Variants in ACOX3 observed in about 807,000 individuals in gnomAD.
ACOX3 encodes acyl-CoA oxidase 3, pristanoyl.
ACOX3 carries 73 observed loss-of-function variants against 81.5 expected under a neutral mutation model. The observed-to-expected ratio is 0.90, with a 90% CI of 0.74 to 1.09. The LOEUF (loss-of-function observed/expected upper bound fraction) is 1.09. ACOX3 is among the 50% of genes least tolerant of loss of function. The probability of loss-of-function intolerance (pLI) is 0.00; values close to 1 mark genes in which losing one functional copy is unlikely to be tolerated. For missense variants in ACOX3, 947 were observed against 928.0 expected (o/e 1.02, Z -0.27); for synonymous variants, 387 against 375.1 (o/e 1.03, Z -0.37).
chr4:8,389,562 C>A lies in ACOX3; in HGVS notation c.1423+50G>T, dbSNP rs775505972. The stretch of plus-strand genomic sequence containing the variant: ...TCAGTGAGGCCAGGAGAACCCACCC[C>A]TGCCCCAGTTGGGTTCCAGCGCCCC... On this transcript the variant is annotated intron_variant, in intron 12 of 17. Coordinates refer to ENST00000356406, the MANE Select transcript of ACOX3 (RefSeq NM_003501.3). This position sits in a 1 kb window ranked among gnomAD's most constrained non-coding sequence, Gnocchi z 5.3. The A allele has an allele frequency of 1.1e-5, 17 of 1,610,898 alleles. No individual in the cohort carries two copies. In the Admixed American group the frequency reaches 2.7e-4, roughly 25 times the overall value.
At chr4:8,375,904 C>G (rs12510982) in intron 14 of ACOX3, among the ~76,000 whole-genome samples, 32,099 of 152,086 alleles carry the variant, frequency 0.21, 3,370 homozygotes, top group Middle Eastern at 0.27. Flanking sequence ...TTTTCTTTAT[C>G]CAGTCCACCG....
In ACOX3 at chr4:8,421,188, G is replaced by C. The variant is rs190943167; in HGVS notation, c.-14-4653C>G. Among the ~76,000 whole-genome samples the C allele has an allele frequency of 1.3e-3, 197 of 152,338 alleles. 1 individual carries two copies. The highest frequency in any genetic ancestry group is 2.3e-3 in the Non-Finnish European group (158 of 68,028). On this transcript the variant is annotated intron_variant, in intron 1 of 17. Coordinates refer to ENST00000356406, the MANE Select transcript of ACOX3 (RefSeq NM_003501.3). ...GAGTAATATTGAACCACTTTCACTT[G>C]CTATTCTGTCCTACCCTTCCTTAGA...
At chr4:8,396,058 C>A (rs910286126) in intron 9 of ACOX3, among the ~76,000 whole-genome samples, 1 of 152,226 alleles carries the variant, frequency 6.6e-6, no homozygotes, top group Non-Finnish European at 1.5e-5. Flanking sequence ...GACAGTTCAT[C>A]CCCCTTCCAT....
chr4:8,399,660 G>T lies in ACOX3; in HGVS notation c.777-8C>A. 1 of 1,612,744 alleles carries T rather than the reference G, an allele frequency of 6.2e-7. No homozygotes were observed. The highest frequency in any genetic ancestry group is 8.5e-7 in the Non-Finnish European group (1 of 1,178,764). On this transcript the variant is annotated splice_region_variant and splice_polypyrimidine_tract_variant and intron_variant, in intron 7 of 17. Transcript: ENST00000356406. This position sits in a 1 kb window ranked among gnomAD's most constrained non-coding sequence, Gnocchi z 4.9. ...TTGTGGAACATGGCGAAACTGTGGG[G>T]AAGCAGCAGGGCTTCTGTTAAACAG...
chr4:8,411,412 A>G (rs576501675), intron 5 of ACOX3, among the ~76,000 whole-genome samples: 1 of 152,178 alleles, frequency 6.6e-6, no homozygotes, highest in South Asian at 2.1e-4. Context: ...CTGAAGTTTC[A>G]CTGAGGAGAA....
intron 3 of ACOX3, 78 bp downstream of exon 3, chr4:8,415,688 T>C (rs1484065508): frequency 1.2e-5 from 15 of 1,261,208 alleles, no homozygotes; most frequent in African/African-American, 3.0e-5. Context: ...TGCCTCTTGG[T>C]TGGCCCTGGG....
rs189566175 is a variant in ACOX3, at chr4:8,395,551, T to C, written c.1057-809A>G. 6.6e-4 allele frequency among the ~76,000 whole-genome samples: 101 copies of C among 152,348 alleles called. 1 individual carries two copies. The highest frequency in any genetic ancestry group is 2.4e-3 in the African/African-American group (98 of 41,580). On this transcript the variant is annotated intron_variant, in intron 9 of 17. Transcript: ENST00000356406. The stretch of plus-strand genomic sequence containing the variant: ...CTCCATGCCCTAACTTTGTTAATCC[T>C]CACACTGATCCTAGGAAGAAGTTTT...
intron 1 of ACOX3, among the ~76,000 whole-genome samples, chr4:8,435,002 T>C (rs938795911): frequency 1.3e-5 from 2 of 152,000 alleles, no homozygotes; most frequent in Admixed American, 6.6e-5. Flanking sequence ...AAGAGAAAAA[T>C]AGGTCAAACA....
rs1720306510 is a variant in ACOX3, at chr4:8,400,988, G to A, written c.777-1336C>T. On this transcript the variant is annotated intron_variant, in intron 7 of 17. Transcript: ENST00000356406. The surrounding 1 kb of genome is among the most constrained non-coding windows in gnomAD (Gnocchi z 4.4). The stretch of plus-strand genomic sequence containing the variant: ...GCCTGAGCTTGTTTTCCTGCAACTA[G>A]ATGGTCCCATCTGGGGGTGATGGGA... 6.6e-6 allele frequency among the ~76,000 whole-genome samples: 1 copy of A among 151,948 alleles called. No homozygotes were observed. Among genetic ancestry groups the A allele is most frequent in the South Asian group, 2.1e-4 (1 of 4,826 alleles).
chr4:8,399,477 A>G lies in ACOX3; in HGVS notation c.873+79T>C. 3 of 1,259,810 alleles carry G rather than the reference A, an allele frequency of 2.4e-6. No individual in the cohort carries two copies. Among genetic ancestry groups the G allele is most frequent in the Admixed American group, 1.8e-5 (1 of 54,474 alleles). 78.0% of individuals were successfully genotyped at this position (1,259,810 alleles called of 1,614,324 possible). A position where few individuals can be genotyped will look rare whatever the true frequency, so the allele number is the denominator to read the frequency against. ...GTGGAGGGGTCTCCTTTCCAGGTGC[A>G]GGGAGGAGCACAGAGCCAGGCCCTG... On this transcript the variant is annotated intron_variant, in intron 8 of 17. Coordinates refer to ENST00000356406, the MANE Select transcript of ACOX3 (RefSeq NM_003501.3). The surrounding 1 kb of genome is among the most constrained non-coding windows in gnomAD (Gnocchi z 4.9).
chr4:8,427,309 C>A (rs961239018), intron 1 of ACOX3, among the ~76,000 whole-genome samples: 1 of 152,240 alleles, frequency 6.6e-6, no homozygotes, highest in Non-Finnish European at 1.5e-5. Context: ...CCTCCCGTTG[C>A]ATGGGAGCTC....
At chr4:8,378,120 G>C (rs918743549) in intron 14 of ACOX3, among the ~76,000 whole-genome samples, 1 of 152,214 alleles carries the variant, frequency 6.6e-6, no homozygotes, top group Non-Finnish European at 1.5e-5. Flanking sequence ...AGAGAGGAGA[G>C]GGTCCCAGTC....
chr4:8,396,958 T>C lies in ACOX3; in HGVS notation c.1035A>G (p.Pro345=), dbSNP rs143416593. 2.0e-5 allele frequency: 33 copies of C among 1,611,884 alleles called. No individual in the cohort carries two copies. The highest frequency in any genetic ancestry group is 1.9e-4 in the Admixed American group (11 of 59,382). The change falls in exon 9 of 18, where the codon CCA becomes CCG. Residue 345 remains proline, a synonymous_variant. Transcript: ENST00000356406. ...QFGPTEEEEI[P]VLEYPMQQWR... ...ATACCTGCATTGGATACTCAAGCAC[T>C]GGTATTTCCTCCTCCTCTGTGGGTC...
chr4:8,370,945 A>G lies in ACOX3; in HGVS notation c.1946T>C (p.Phe649Ser). 6.2e-7 allele frequency: 1 copy of G among 1,614,020 alleles called. No individual in the cohort carries two copies. The highest frequency in any genetic ancestry group is 8.5e-7 in the Non-Finnish European group (1 of 1,180,012). ...TCTGCCAATCGGTGAGTCCAGAACA[A>G]AGTCAGGAGGAGCGATCACGTCTAC... ...ALVDVIAPPD[F>S]VLDSPIGRAD... is the part of the protein sequence containing the mutation. The change falls in exon 17 of 18, where the codon TTT becomes TCT. Residue 649 changes from phenylalanine (F) to serine (S), a missense_variant. Phe to Ser is a radical substitution (Grantham distance 155). Coordinates refer to ENST00000356406, the MANE Select transcript of ACOX3 (RefSeq NM_003501.3). The surrounding 1 kb of genome is among the most constrained non-coding windows in gnomAD (Gnocchi z 6.3).
At chr4:8,424,254 GA>G (rs1723236848) in intron 1 of ACOX3, among the ~76,000 whole-genome samples, 1 of 152,226 alleles carries the variant, frequency 6.6e-6, no homozygotes, top group African/African-American at 2.4e-5. Flanking sequence ...AGGAAACTCA[GA>G]AAGTGAATAC....
intron 7 of ACOX3, among the ~76,000 whole-genome samples, chr4:8,402,487 T>G (rs1479787178): frequency 6.6e-6 from 1 of 152,242 alleles, no homozygotes; most frequent in Non-Finnish European, 1.5e-5. Flanking sequence ...TTTTCCAGTA[T>G]GATCCGGTCA....
chr4:8,429,872 T>G (rs1351921888), intron 1 of ACOX3, among the ~76,000 whole-genome samples: 2 of 151,298 alleles, frequency 1.3e-5, no homozygotes, highest in Non-Finnish European at 2.9e-5. Context: ...AGCCCAGGAG[T>G]TTGAGTCTAG....
chr4:8,405,878 T>G lies in ACOX3; in HGVS notation c.776+77A>C. The stretch of plus-strand genomic sequence containing the variant: ...CAGGGCATGGCATCCATGGGGCCAG[T>G]GAGATCTCAGACATGAGCGACAACG... On this transcript the variant is annotated intron_variant, in intron 7 of 17. Transcript: ENST00000356406. The surrounding 1 kb of genome is among the most constrained non-coding windows in gnomAD (Gnocchi z 7.1). 10 of 1,414,342 alleles carry G rather than the reference T, an allele frequency of 7.1e-6. No homozygotes were observed. The highest frequency in any genetic ancestry group is 1.0e-5 in the Non-Finnish European group (10 of 999,498). 87.6% of individuals were successfully genotyped at this position (1,414,342 alleles called of 1,614,324 possible). A position where few individuals can be genotyped will look rare whatever the true frequency, so the allele number is the denominator to read the frequency against.
chr4:8,374,357 G>C (rs1415668785), intron 15 of ACOX3: 2 of 152,678 alleles, frequency 1.3e-5, no homozygotes. Context: ...CACGGGGTCA[G>C]CACCACCCTC....
Sources: allele counts gnomAD v4.1 joint callset (sites outside exome capture counted in the v4.1 genomes callset), GRCh38; gene constraint gnomAD v4.1.1; non-coding constraint Gnocchi (gnomAD v3.1); transcripts MANE v1.5; gene names NCBI Gene and HGNC (gene_info 2026-07-23, HGNC 2026-07-21).